TIAM2: variants seen among roughly 807,000 people sequenced by gnomAD.
TIAM2 encodes rho guanine nucleotide exchange factor TIAM2.
A neutral mutation model predicts 152.9 loss-of-function variants in TIAM2; 80 were observed. The observed-to-expected ratio is 0.52, with a 90% CI of 0.44 to 0.63. TIAM2 has a LOEUF of 0.63. Among genes scored for constraint, TIAM2 ranks in the 30% least tolerant of loss-of-function variants. The pLI is 0.00. For synonymous variants in TIAM2, 804 were observed against 838.0 expected, an observed-to-expected ratio of 0.96 and a Z score of 0.70; for missense variants, 1,965 against 2,120.1, an observed-to-expected ratio of 0.93 and a Z score of 1.44.
At chr6:155,245,516 C>CATTA in intron 18 of TIAM2, 107 bp from the exon 19 acceptor site, 1 of 918,072 alleles carries the variant, frequency 1.1e-6, no homozygotes, top group Non-Finnish European at 1.7e-6. Flanking sequence ...TTCTCCAAGG[C>CATTA]ATTAGTGCTA....
At position 155,254,410 on chromosome 6, in the gene TIAM2, C is replaced by A. The variant is rs374043224; in HGVS notation, c.4314-9C>A. The A allele has an allele frequency of 2.4e-5, 39 of 1,610,450 alleles. No homozygotes were observed. The East Asian group carries it at 2.7e-4, about 11-fold the overall frequency. ...ACACTTCTGCTGTTTTCTCTCCCCC[C>A]CCACCCAGTGACAGTGAAAGCAAAA... is the stretch of plus-strand genomic sequence containing the variant. On this transcript the variant is annotated splice_polypyrimidine_tract_variant and intron_variant, in intron 25 of 26. Coordinates refer to ENST00000682666, the MANE Select transcript of TIAM2 (RefSeq NM_012454.4).
intron 15 of TIAM2, among the ~76,000 whole-genome samples, chr6:155,223,247 C>T (rs959160006): frequency 2.6e-5 from 4 of 152,154 alleles, no homozygotes; most frequent in East Asian, 1.9e-4. Context: ...ATAGCCTAGC[C>T]TGTGTCTTAA....
chr6:155,092,847 CT>C (rs1778334323), intron 2 of TIAM2, among the ~76,000 whole-genome samples: 1 of 81,178 alleles, frequency 1.2e-5, no homozygotes, highest in Admixed American at 1.2e-4. Flanking sequence ...AAGAATGAAA[CT>C]CTGTCTCAAA....
intron 16 of TIAM2, among the ~76,000 whole-genome samples, chr6:155,241,394 G>A (rs911647375): frequency 3.3e-5 from 5 of 152,180 alleles, no homozygotes; most frequent in South Asian, 2.1e-4. Context: ...CTGAAGCAGC[G>A]CGGCACGGTG....
At chr6:155,212,084 G>A (rs898888223) in intron 15 of TIAM2, among the ~76,000 whole-genome samples, 8 of 152,096 alleles carry the variant, frequency 5.3e-5, no homozygotes, top group East Asian at 1.9e-4. Context: ...TCCATTATAC[G>A]GATACACCAC....
At chr6:155,100,042 C>A (rs1778520351) in intron 2 of TIAM2, among the ~76,000 whole-genome samples, 1 of 129,018 alleles carries the variant, frequency 7.8e-6, no homozygotes, top group East Asian at 1.9e-4. Flanking sequence ...ACCGTATATG[C>A]AGTCTGTCGT....
intron 1 of TIAM2, among the ~76,000 whole-genome samples, chr6:155,059,331 T>C (rs1777523820): frequency 7.1e-6 from 1 of 140,504 alleles, no homozygotes; most frequent in Non-Finnish European, 1.5e-5. Flanking sequence ...TGTGTGCGCG[T>C]GTATGTTTTT....
rs113012485 is a variant in TIAM2, at chr6:155,087,826, T to G, written c.-208-2463T>G. On this transcript the variant is annotated intron_variant, in intron 1 of 26. Coordinates refer to ENST00000682666, the MANE Select transcript of TIAM2 (RefSeq NM_012454.4). ...TAATGACAAAGCAAATTTAAAAGTT[T>G]TAAGTAAATATGGAATGTATTCTAT... 5.7e-3 allele frequency among the ~76,000 whole-genome samples: 875 copies of G among 152,192 alleles called. 7 individuals carry two copies. Among genetic ancestry groups the G allele is most frequent in the African/African-American group, 0.019 (786 of 41,524 alleles).
At chr6:155,245,964 C>T (rs1783303615) in intron 19 of TIAM2, among the ~76,000 whole-genome samples, 1 of 152,058 alleles carries the variant, frequency 6.6e-6, no homozygotes, top group Non-Finnish European at 1.5e-5. Context: ...CCATGTGTCA[C>T]TTTGCTGTCA....
Position 155,213,739 on chromosome 6 carries a change from G to T in TIAM2, c.3168+2432G>T, listed in dbSNP as rs918407332. Among the ~76,000 whole-genome samples the T allele has an allele frequency of 6.6e-6, 1 of 152,358 alleles. No homozygotes were observed. Among genetic ancestry groups the T allele is most frequent in the East Asian group, 1.9e-4 (1 of 5,178 alleles). On this transcript the variant is annotated intron_variant, in intron 15 of 26. Transcript: ENST00000682666. The surrounding 1 kb of genome is among the most constrained non-coding windows in gnomAD (Gnocchi z 4.2). Reference sequence around the variant, plus strand: ...CAAAGGGTGCCTGCAGGCCAGGGCCGAGCTGCCCTCAGTCCCCTCCTTGGC... The same window carrying T: ...CAAAGGGTGCCTGCAGGCCAGGGCCTAGCTGCCCTCAGTCCCCTCCTTGGC...
At chr6:155,006,189 G>T (rs1400709310) in intron 1 of TIAM2, among the ~76,000 whole-genome samples, 1 of 152,154 alleles carries the variant, frequency 6.6e-6, no homozygotes, top group African/African-American at 2.4e-5. Context: ...GGTGATCAGT[G>T]ACCGAGTGCC....
Position 155,179,439 on chromosome 6 carries a change from G to C in TIAM2, c.2690G>C (p.Gly897Ala), listed in dbSNP as rs769493951. Residue 897 changes from glycine (G) to alanine (A), a missense_variant, in exon 12 of 27, where the codon GGG becomes GCG. Transcript: ENST00000682666. ...NVYDVQLTKT[G>A]SVCDFGFAVT... ...TATGACGTGCAGCTCACGAAGACTG[G>C]GAGTGTGTGTGACTTTGGTGAGTGT... is the stretch of plus-strand genomic sequence containing the variant. The C allele has an allele frequency of 6.2e-7, 1 of 1,612,894 alleles. No individual in the cohort carries two copies. Among genetic ancestry groups the C allele is most frequent in the African/African-American group, 1.3e-5 (1 of 74,862 alleles).
intron 1 of TIAM2, among the ~76,000 whole-genome samples, chr6:155,078,311 G>A (rs1777997924): frequency 6.6e-6 from 1 of 152,182 alleles, no homozygotes; most frequent in African/African-American, 2.4e-5. Flanking sequence ...CTCCGAAAGT[G>A]CTGGGATTAC....
At chr6:155,244,251 G>A (rs1258424286) in intron 17 of TIAM2, among the ~76,000 whole-genome samples, 172 bp downstream of exon 17, 3 of 152,172 alleles carry the variant, frequency 2.0e-5, no homozygotes, top group East Asian at 1.9e-4. Flanking sequence ...CTGTGGCCTC[G>A]GCTGCATGAC....
In TIAM2 at chr6:155,028,733, A is replaced by G. The variant is rs923051214; in HGVS notation, c.-209+33241A>G. On this transcript the variant is annotated intron_variant, in intron 1 of 26. Transcript: ENST00000682666. The stretch of plus-strand genomic sequence containing the variant: ...TATATATACTACATATAATATATAT[A>G]CTGTGTTATATACTACATATAATAT... Among the ~76,000 whole-genome samples the G allele has an allele frequency of 3.2e-4, 42 of 132,432 alleles. 1 individual carries two copies. Among genetic ancestry groups the G allele is most frequent in the African/African-American group, 9.0e-4 (31 of 34,372 alleles). The allele number at this position is 132,432 out of a possible 152,430, so 86.9% of individuals were successfully genotyped here. A position where few individuals can be genotyped will look rare whatever the true frequency, so the allele number is the denominator to read the frequency against.
In TIAM2 at chr6:155,218,870, C is replaced by A. The variant is rs1781947034; in HGVS notation, c.3168+7563C>A. ...GTTCTCGACCATCTCAGCCGCCCAC[C>A]CGTGTTCTTGACCATCTCAGCCGCC... On this transcript the variant is annotated intron_variant, in intron 15 of 26. Transcript: ENST00000682666. The surrounding 1 kb of genome is among the most constrained non-coding windows in gnomAD (Gnocchi z 4.5). 6.8e-6 allele frequency among the ~76,000 whole-genome samples: 1 copy of A among 147,898 alleles called. No individual in the cohort carries two copies. Among genetic ancestry groups the A allele is most frequent in the Non-Finnish European group, 1.5e-5 (1 of 67,082 alleles).
intron 15 of TIAM2, among the ~76,000 whole-genome samples, chr6:155,227,444 A>C (rs574456861): frequency 6.6e-6 from 1 of 152,232 alleles, no homozygotes; most frequent in Non-Finnish European, 1.5e-5. Context: ...AGAGATGTCA[A>C]CTAGCAGGCC....
chr6:155,108,101 C>A (rs1778742553), intron 2 of TIAM2, among the ~76,000 whole-genome samples: 1 of 152,156 alleles, frequency 6.6e-6, no homozygotes, highest in Non-Finnish European at 1.5e-5. Context: ...TTTGTTGTGG[C>A]CTTTTGTCAC....
chr6:155,115,591 TAC>T (rs1778988793), intron 2 of TIAM2, among the ~76,000 whole-genome samples: 2 of 152,154 alleles, frequency 1.3e-5, no homozygotes, highest in Non-Finnish European at 2.9e-5. Context: ...CATTTGAGGT[TAC>T]AGTGAGCCGT....
Sources: allele counts gnomAD v4.1 joint callset (sites outside exome capture counted in the v4.1 genomes callset), GRCh38; gene constraint gnomAD v4.1.1; non-coding constraint Gnocchi (gnomAD v3.1); transcripts MANE v1.5; gene names NCBI Gene and HGNC (gene_info 2026-07-23, HGNC 2026-07-21).